Variants in CTTN observed in about 807,000 individuals in gnomAD.
CTTN encodes src substrate cortactin.
CTTN carries 28 observed loss-of-function variants against 84.0 expected under a neutral mutation model. The ratio of observed to expected loss-of-function variants is 0.33; its 90% CI spans 0.25 to 0.46. The LOEUF is 0.46. CTTN is among the 20% of genes least tolerant of loss of function. CTTN has a pLI of 1.00. For missense variants in CTTN, 641 were observed against 723.8 expected, an observed-to-expected ratio of 0.89 and a Z score of 1.31; for synonymous variants, 301 against 288.8, an observed-to-expected ratio of 1.04 and a Z score of -0.43.
Position 70,433,120 on chromosome 11 carries a change from C to T in CTTN, c.1286C>T (p.Ala429Val). The T allele has an allele frequency of 3.7e-6, 6 of 1,613,694 alleles. No individual in the cohort carries two copies. Among genetic ancestry groups the T allele is most frequent in the Non-Finnish European group, 5.1e-6 (6 of 1,179,950 alleles). Reference protein sequence around the residue: ...PVYEDAASFKAELSYRGPVSG... With the variant: ...PVYEDAASFKVELSYRGPVSG... ...CCCCAGGATGCGGCTTCCTTCAAGG[C>T]AGAGCTGAGCTACAGAGGCCCTGTG... Residue 429 changes from alanine to valine, a missense_variant, in exon 16 of 18, where the codon GCA becomes GTA. By Grantham distance (64) the Ala-to-Val change is moderately conservative. This residue lies in a region of CTTN where 289 missense variants were observed against 273.1 expected (regional missense o/e 1.06). Coordinates refer to ENST00000301843, the MANE Select transcript of CTTN (RefSeq NM_005231.4).
At chr11:70,419,654 G>A in intron 8 of CTTN, 92 bp from the exon 9 acceptor site, 2 of 1,017,862 alleles carry the variant, frequency 2.0e-6, no homozygotes, top group East Asian at 2.5e-5. Flanking sequence ...GGACCTGAAA[G>A]ATTTTTGTTT....
At chr11:70,430,700 C>A (rs1264176556) in intron 14 of CTTN, among the ~76,000 whole-genome samples, 1 of 152,232 alleles carries the variant, frequency 6.6e-6, no homozygotes, top group African/African-American at 2.4e-5. Flanking sequence ...TCATGTCCAT[C>A]CCATGTGCAA....
intron 9 of CTTN, 125 bp from the exon 10 acceptor site, chr11:70,420,275 A>G (rs1220830974): frequency 4.3e-6 from 3 of 697,520 alleles, no homozygotes; most frequent in African/African-American, 3.5e-5. Context: ...AGTATTACCA[A>G]AGATCCGGAA....
At position 70,419,650 on chromosome 11, in the gene CTTN, GA is replaced by G. The variant is rs1355508478; in HGVS notation, c.569-93del. 13 of 959,412 alleles carry G rather than the reference GA, an allele frequency of 1.4e-5. No homozygotes were observed. The Admixed American group carries it at 3.3e-4, about 24-fold the overall frequency. The allele number at this position is 959,412 out of a possible 1,614,324, so 59.4% of individuals were successfully genotyped here. On this transcript the variant is annotated intron_variant, in intron 8 of 17. Coordinates refer to ENST00000301843, the MANE Select transcript of CTTN (RefSeq NM_005231.4). ...TATTCAGTGGTCCTACAGTGGACCT[GA>G]AAGATTTTTGTTTTTTTAATCAAAG... is the stretch of plus-strand genomic sequence containing the variant.
At chr11:70,415,002 C>T (rs2058141359) in intron 6 of CTTN, among the ~76,000 whole-genome samples, 1 of 152,124 alleles carries the variant, frequency 6.6e-6, no homozygotes, top group South Asian at 2.1e-4. Context: ...ACCGGGGGGG[C>T]AGGATGCGCT....
chr11:70,434,832 T>C (rs2058396501), intron 17 of CTTN, among the ~76,000 whole-genome samples, 194 bp from the exon 18 acceptor site: 1 of 152,150 alleles, frequency 6.6e-6, no homozygotes. Context: ...CTCTTTGTAC[T>C]CTCTCGGTTC....
intron 6 of CTTN, among the ~76,000 whole-genome samples, chr11:70,415,022 G>C (rs2058141714): frequency 6.6e-6 from 1 of 152,166 alleles, no homozygotes; most frequent in African/African-American, 2.4e-5. Flanking sequence ...TCGTGTCCAG[G>C]ACCCAGGCTT....
rs529154747 is a variant in CTTN at position 70,429,563 on chromosome 11, T to G, written c.1176+364T>G. The stretch of plus-strand genomic sequence containing the variant: ...CTGAGTCTCTTCTCACCCCTCCCCC[T>G]CTGGAAGCCCCTCCTTTCCCAGGTG... On this transcript the variant is annotated intron_variant, in intron 14 of 17. Transcript: ENST00000301843. Among the ~76,000 whole-genome samples, 9 of 151,966 alleles carry G rather than the reference T, an allele frequency of 5.9e-5. No individual in the cohort carries two copies. In the South Asian group the frequency reaches 1.9e-3, roughly 32 times the overall value.
intron 17 of CTTN, 122 bp downstream of exon 17, chr11:70,433,840 T>C: frequency 1.4e-6 from 1 of 733,210 alleles, no homozygotes; most frequent in East Asian, 2.7e-5. Flanking sequence ...GTTGAGATAA[T>C]TTCAGAGATA....
chr11:70,425,301 C>G, intron 12 of CTTN, 31 bp from the exon 13 acceptor site: 1 of 1,582,406 alleles, frequency 6.3e-7, no homozygotes, highest in Non-Finnish European at 8.6e-7. Context: ...GAGAAAAGTG[C>G]TCTCCTGACG....
At chr11:70,414,036 G>C (rs1162660957) in intron 5 of CTTN, among the ~76,000 whole-genome samples, 2 of 152,310 alleles carry the variant, frequency 1.3e-5, no homozygotes, top group Admixed American at 1.3e-4. Flanking sequence ...CCCAAGGGCT[G>C]GGGTGGGCCG....
rs771428440 is a variant in CTTN, at chr11:70,421,450, C to T, written c.791-20C>T. On this transcript the variant is annotated intron_variant, in intron 10 of 17. Coordinates refer to ENST00000301843, the MANE Select transcript of CTTN (RefSeq NM_005231.4). Reference sequence around the variant, plus strand: ...TTCCTCTTTTGGTTGTTTTCCCCACCGTTGCTTGTGGATTTTCAGATTATA... The same window carrying T: ...TTCCTCTTTTGGTTGTTTTCCCCACTGTTGCTTGTGGATTTTCAGATTATA... 20 of 1,543,912 alleles carry T rather than the reference C, an allele frequency of 1.3e-5. No homozygotes were observed. In the East Asian group the frequency reaches 2.7e-4, roughly 21 times the overall value.
At chr11:70,424,364 G>A (rs370429212) in intron 12 of CTTN, among the ~76,000 whole-genome samples, 43 of 152,274 alleles carry the variant, frequency 2.8e-4, no homozygotes, top group African/African-American at 9.4e-4. Flanking sequence ...GAGCACGTGA[G>A]GAGGCAGTGT....
intron 2 of CTTN, among the ~76,000 whole-genome samples, chr11:70,406,550 T>A (rs1386975356): frequency 6.6e-6 from 1 of 152,082 alleles, no homozygotes; most frequent in East Asian, 1.9e-4. Flanking sequence ...TAAAATTTTA[T>A]ATTTTACCAC....
At chr11:70,426,625 C>T (rs969731618) in intron 13 of CTTN, among the ~76,000 whole-genome samples, 1 of 150,820 alleles carries the variant, frequency 6.6e-6, no homozygotes, top group Non-Finnish European at 1.5e-5. Context: ...CTTTGTCGCC[C>T]AGGCTGGAGT....
At chr11:70,426,073 C>G (rs907027054) in intron 13 of CTTN, among the ~76,000 whole-genome samples, 3 of 152,122 alleles carry the variant, frequency 2.0e-5, no homozygotes, top group Admixed American at 2.0e-4. Flanking sequence ...TGAGAACCCC[C>G]AAGATGTTGA....
intron 11 of CTTN, chr11:70,422,033 G>C (rs776914035): frequency 4.1e-4 from 94 of 231,714 alleles, no homozygotes; most frequent in Admixed American, 1.1e-3. Flanking sequence ...CCAGGAGACA[G>C]GCGTGTTCTG....
At chr11:70,430,616 G>A (rs2058344335) in intron 14 of CTTN, among the ~76,000 whole-genome samples, 1 of 152,184 alleles carries the variant, frequency 6.6e-6, no homozygotes, top group African/African-American at 2.4e-5. Flanking sequence ...TCCCCATGGG[G>A]TCTGGGGACT....
chr11:70,407,608 C>T lies in CTTN; in HGVS notation c.161+17C>T. ...GCATATCAAGTAAGAGGCGTCGCCACCACCCTCCCGAGGGCCCCTCTGCGG... is the reference window on the plus strand; with the variant it reads ...GCATATCAAGTAAGAGGCGTCGCCATCACCCTCCCGAGGGCCCCTCTGCGG... On this transcript the variant is annotated intron_variant, in intron 4 of 17. Transcript: ENST00000301843. The T allele has an allele frequency of 3.7e-6, 6 of 1,611,634 alleles. No homozygotes were observed. The highest frequency in any genetic ancestry group is 5.1e-6 in the Non-Finnish European group (6 of 1,179,662).
Sources: gnomAD v4.1 joint callset for allele counts (sites outside exome capture counted in the v4.1 genomes callset) on GRCh38, gnomAD v4.1.1 for gene constraint, gnomAD v4.1.1 regional missense constraint, MANE v1.5 for transcripts, NCBI Gene and HGNC (gene_info 2026-07-23, HGNC 2026-07-21) for gene names.